VIPR1: variants seen among roughly 807,000 people sequenced by gnomAD.
VIPR1 encodes the protein vasoactive intestinal peptide receptor 1, also known as vasoactive intestinal polypeptide receptor 1.
VIPR1 carries 59 observed loss-of-function variants against 58.8 expected under a neutral mutation model. The observed-to-expected ratio is 1.00, with a 90% CI of 0.81 to 1.25. The LOEUF (loss-of-function observed/expected upper bound fraction) is 1.25. Ranked by LOEUF, VIPR1 falls within the 50% of genes most tolerant of loss-of-function variation. The pLI is 0.00. For missense variants in VIPR1, 626 were observed against 602.7 expected, an observed-to-expected ratio of 1.04 and a Z score of -0.40; for synonymous variants, 251 against 242.1, an observed-to-expected ratio of 1.04 and a Z score of -0.34.
chr3:42,530,677 T>C (rs1701491902), intron 6 of VIPR1, 102 bp from the exon 7 acceptor site: 2 of 1,348,792 alleles, frequency 1.5e-6, no homozygotes, highest in East Asian at 2.3e-5. Flanking sequence ...AGAGATTAAG[T>C]TGGCTGCACT....
Position 42,491,963 on chromosome 3 carries a change from T to C in VIPR1, c.-245+2285T>C, listed in dbSNP as rs114962870. Among the ~76,000 whole-genome samples the C allele has an allele frequency of 8.0e-3, 1,220 of 152,272 alleles. 11 individuals carry two copies. The highest frequency in any genetic ancestry group is 0.012 in the Non-Finnish European group (829 of 68,022). On this transcript the variant is annotated intron_variant, in intron 1 of 13. Transcript: ENST00000433647. ...TCCAGAGATTCTGAGGAAGCAATTG[T>C]GGTGAACAGGTGAACAGGTGAGCAG...
intron 5 of VIPR1, 194 bp from the exon 6 acceptor site, chr3:42,527,797 G>A (rs1489203173): frequency 2.5e-6 from 2 of 794,756 alleles, no homozygotes; most frequent in East Asian, 2.6e-5. Context: ...GCCCTTGGGA[G>A]CCCAGTTGCA....
rs575955102 is a variant in VIPR1 at position 42,517,657 on chromosome 3, T to C, written c.185-1566T>C. 5.5e-4 allele frequency among the ~76,000 whole-genome samples: 83 copies of C among 152,224 alleles called. No homozygotes were observed. The East Asian group carries it at 0.014, about 25-fold the overall frequency. On this transcript the variant is annotated intron_variant, in intron 2 of 12. Transcript: ENST00000325123. ...CATCACAATTCACAATCCGACCACGTTGGGGGAATCTGTGTTGTTCAAGAA... is the reference window on the plus strand; with the variant it reads ...CATCACAATTCACAATCCGACCACGCTGGGGGAATCTGTGTTGTTCAAGAA...
Position 42,527,411 on chromosome 3 carries a change from G to T in VIPR1, c.418G>T (p.Gly140Cys). The change falls in exon 5 of 13, where the codon GGT (glycine) becomes TGT (cysteine). Residue 140 changes from glycine (G) to cysteine (C), a missense_variant. Gly to Cys is a radical substitution (Grantham distance 159). Coordinates refer to ENST00000325123, the MANE Select transcript of VIPR1 (RefSeq NM_004624.4). ...SLDEQQTMFY[G>C]SVKTGYTIGY... is the part of the protein sequence containing the mutation. ...CCAACAGCAGCAGACCATGTTCTAC[G>T]GTTCTGTGAAGACCGGCTACACCAT... The T allele has an allele frequency of 6.2e-7, 1 of 1,613,412 alleles. No individual in the cohort carries two copies. Among genetic ancestry groups the T allele is most frequent in the Non-Finnish European group, 8.5e-7 (1 of 1,179,820 alleles).
chr3:42,491,795 G>A (rs997031224), intron 1 of VIPR1, among the ~76,000 whole-genome samples: 1 of 152,136 alleles, frequency 6.6e-6, no homozygotes, highest in Non-Finnish European at 1.5e-5. Flanking sequence ...GGCTGGTCTC[G>A]AACTCCTGAC....
upstream of VIPR1, among the ~76,000 whole-genome samples, chr3:42,498,039 C>G (rs1699800210): frequency 6.6e-6 from 1 of 152,174 alleles, no homozygotes; most frequent in South Asian, 2.1e-4. Context: ...AGCAGGAGCT[C>G]CAAGGGTAGG....
intron 1 of VIPR1, among the ~76,000 whole-genome samples, chr3:42,494,925 T>C (rs654577): frequency 0.065 from 9,884 of 152,248 alleles, 335 homozygotes; most frequent in Middle Eastern, 0.16. Flanking sequence ...CTAAATAATG[T>C]ATAATTCCAA....
chr3:42,532,120 G>A, intron 9 of VIPR1, 122 bp from the exon 10 acceptor site: 2 of 1,064,328 alleles, frequency 1.9e-6, no homozygotes, highest in Non-Finnish European at 2.9e-6. Flanking sequence ...AATGCCAGAG[G>A]AGAGGTAAGA....
intron 1 of VIPR1, among the ~76,000 whole-genome samples, chr3:42,491,719 C>A (rs1163177952): frequency 6.6e-6 from 1 of 152,132 alleles, no homozygotes; most frequent in Non-Finnish European, 1.5e-5. Context: ...GGGCTACAGG[C>A]GTGCACCACT....
intron 7 of VIPR1, 66 bp downstream of exon 7, chr3:42,530,998 G>A: frequency 6.3e-7 from 1 of 1,588,320 alleles, no homozygotes; most frequent in Non-Finnish European, 8.6e-7. Flanking sequence ...ACTCCCTAGG[G>A]GGAGGGTGCC....
At chr3:42,532,635 T>G (rs1195757696) in intron 10 of VIPR1, 2 of 496,772 alleles carry the variant, frequency 4.0e-6, no homozygotes, top group Non-Finnish European at 7.4e-6. Context: ...ACCTGTGTCT[T>G]GTTCATACCA....
upstream of VIPR1, among the ~76,000 whole-genome samples, chr3:42,498,854 G>A (rs1469266827): frequency 3.3e-5 from 5 of 152,194 alleles, no homozygotes; most frequent in Non-Finnish European, 7.3e-5. Context: ...TTCACTGCAT[G>A]CTGTTATGGA....
At chr3:42,516,356 G>A (rs1023414710) in intron 2 of VIPR1, among the ~76,000 whole-genome samples, 23 of 152,176 alleles carry the variant, frequency 1.5e-4, no homozygotes, top group South Asian at 4.1e-4. Context: ...ATTCATGGCT[G>A]TCACCCCGTC....
At chr3:42,506,093 C>T (rs953248035) in intron 1 of VIPR1, among the ~76,000 whole-genome samples, 1 of 152,230 alleles carries the variant, frequency 6.6e-6, no homozygotes, top group African/African-American at 2.4e-5. Context: ...TTCTGGCCCC[C>T]ATCTTCCCAC....
intron 4 of VIPR1, among the ~76,000 whole-genome samples, chr3:42,526,981 G>A (rs1701266853): frequency 1.3e-5 from 2 of 152,136 alleles, no homozygotes; most frequent in Non-Finnish European, 2.9e-5. Context: ...CCTATACAGA[G>A]ACAGGGCCTC....
intron 1 of VIPR1, among the ~76,000 whole-genome samples, chr3:42,511,355 G>C (rs1700355070): frequency 6.6e-6 from 1 of 152,210 alleles, no homozygotes. Flanking sequence ...AGTCCCAGGA[G>C]TGAGCCTCCT....
At chr3:42,530,637 C>T (rs914604428) in intron 6 of VIPR1, 142 bp from the exon 7 acceptor site, 30 of 984,294 alleles carry the variant, frequency 3.0e-5, no homozygotes, top group Non-Finnish European at 3.8e-5. Flanking sequence ...CCAATGAGTA[C>T]ATTTTTAAGG....
upstream of VIPR1, among the ~76,000 whole-genome samples, chr3:42,498,549 C>A (rs534047730): frequency 5.3e-5 from 8 of 152,310 alleles, no homozygotes; most frequent in South Asian, 1.7e-3. Flanking sequence ...CCCTTCCCCG[C>A]AACAGAGCTC....
At position 42,536,943 on chromosome 3, in the gene VIPR1, G is replaced by C. The variant is rs891595917; in HGVS notation, c.*662G>C. The C allele has an allele frequency of 6.6e-6, 1 of 152,186 alleles. No individual in the cohort carries two copies. Among genetic ancestry groups the C allele is most frequent in the Non-Finnish European group, 1.5e-5 (1 of 68,044 alleles). The allele number at this position is 152,186 out of a possible 1,614,324, so 9.4% of individuals were successfully genotyped here. ...CCTGGGTCAGTCTGGTGGGAGGACG[G>C]TGCAACCCAAGGACTGAGGGACTCT... is the stretch of plus-strand genomic sequence containing the variant. On this transcript the variant is annotated 3_prime_UTR_variant, in exon 13 of 13. Transcript: ENST00000325123.
Sources: allele counts gnomAD v4.1 joint callset (sites outside exome capture counted in the v4.1 genomes callset), GRCh38; gene constraint gnomAD v4.1.1; transcripts MANE v1.5; gene names NCBI Gene and HGNC (gene_info 2026-07-23, HGNC 2026-07-21).